UPF3B: variants seen among roughly 807,000 people sequenced by gnomAD.
UPF3B encodes regulator of nonsense transcripts 3B.
A neutral mutation model predicts 40.3 loss-of-function variants in UPF3B; 7 were observed. The ratio of observed to expected loss-of-function variants is 0.17; its 90% CI spans 0.10 to 0.33. UPF3B has a LOEUF of 0.33. Ranked by LOEUF, UPF3B falls within the 10% of genes least tolerant of loss-of-function variation. The probability of loss-of-function intolerance (pLI) is 1.00; values close to 1 mark genes in which losing one functional copy is unlikely to be tolerated. For missense variants in UPF3B, 229 were observed against 358.9 expected (o/e 0.64, Z 2.93); for synonymous variants, 117 against 117.3 (o/e 1.00, Z 0.01).
intron 5 of UPF3B, among the ~76,000 whole-genome samples, chrX:119,811,204 A>AT (rs1272852115): frequency 4.6e-5 from 5 of 108,690 alleles, no homozygotes; most frequent in East Asian, 2.9e-4. Context: ...ACACACAGCA[A>AT]TTTTTTTTTC....
At chrX:119,828,156 C>T (rs186840417) in intron 3 of UPF3B, among the ~76,000 whole-genome samples, 43 of 110,943 alleles carry the variant, frequency 3.9e-4, no homozygotes, top group Middle Eastern at 4.6e-3. Context: ...CAGGTTCAAG[C>T]GGTTCTCCTG....
At chrX:119,836,809 C>A (rs1196715363) in intron 10 of UPF3B, among the ~76,000 whole-genome samples, 1 of 106,586 alleles carries the variant, frequency 9.4e-6, no homozygotes, top group Admixed American at 1.0e-4. Flanking sequence ...CGCCACCACG[C>A]CTGGCTAATT....
chrX:119,846,798 C>G (rs1603371823), intron 3 of UPF3B, among the ~76,000 whole-genome samples: 2 of 111,395 alleles, frequency 1.8e-5, no homozygotes, highest in Admixed American at 1.9e-4. Flanking sequence ...AAATTAGAAA[C>G]TTCTATGCAT....
chrX:119,820,029 G>C (rs1400914722), intron 4 of UPF3B, among the ~76,000 whole-genome samples: 1 of 111,140 alleles, frequency 9.0e-6, no homozygotes, highest in African/African-American at 3.3e-5. Flanking sequence ...ATTTTTAGTA[G>C]AGACTGGGTT....
chrX:119,812,073 G>A lies in UPF3B; in HGVS notation c.602+3127C>T, dbSNP rs772884782. ...ATTGGAGACCAGCCTGGCCAACATGGTGAAACCCTGTCTCTACAAAAAATA... is the reference window on the plus strand; with the variant it reads ...ATTGGAGACCAGCCTGGCCAACATGATGAAACCCTGTCTCTACAAAAAATA... On this transcript the variant is annotated intron_variant, in intron 5 of 6. Transcript: ENST00000636792. Among the ~76,000 whole-genome samples, 10 of 111,566 alleles carry A rather than the reference G, an allele frequency of 9.0e-5. No individual in the cohort carries two copies. The East Asian group carries it at 2.3e-3, about 25-fold the overall frequency.
intron 5 of UPF3B, among the ~76,000 whole-genome samples, chrX:119,811,021 T>G (rs2055823909): frequency 9.1e-6 from 1 of 109,817 alleles, no homozygotes; most frequent in South Asian, 3.8e-4. Context: ...TTTTTTATCT[T>G]TTACGTCTAT....
At chrX:119,838,761 T>C (rs2056130520) in intron 8 of UPF3B, among the ~76,000 whole-genome samples, 1 of 111,213 alleles carries the variant, frequency 9.0e-6, no homozygotes, top group Non-Finnish European at 1.9e-5. Context: ...TTTGTGGCAA[T>C]AGGATCAAGA....
intron 4 of UPF3B, 31 bp from the exon 5 acceptor site, chrX:119,843,332 TA>T: frequency 1.1e-6 from 1 of 936,597 alleles, no homozygotes; most frequent in South Asian, 2.0e-5. Context: ...ACAGAAAATA[TA>T]ATAGACTTTA....
chrX:119,846,090 T>C (rs930511753), intron 3 of UPF3B, among the ~76,000 whole-genome samples: 29 of 110,732 alleles, frequency 2.6e-4, no homozygotes, highest in African/African-American at 9.2e-4. Context: ...TCCCAGCATT[T>C]TGGGAGGCCG....
At chrX:119,815,193 A>G in intron 5 of UPF3B, 2 of 782,964 alleles carry the variant, frequency 2.6e-6, no homozygotes, top group Non-Finnish European at 3.1e-6. Context: ...TGGCTAATAC[A>G]ACTTTCCTGC....
At position 119,834,452 on chromosome X, in the gene UPF3B, A is replaced by G. The variant is rs765516836; in HGVS notation, c.*426T>C. On this transcript the variant is annotated 3_prime_UTR_variant, in exon 11 of 11. Coordinates refer to ENST00000276201, the MANE Select transcript of UPF3B (RefSeq NM_080632.3). ...TGTCAACACTTATCATCAACAATAC[A>G]ATAGAATTAGATCGGAACAAGGCTT... is the stretch of plus-strand genomic sequence containing the variant. The G allele has an allele frequency of 2.4e-6, 2 of 835,066 alleles. No individual in the cohort carries two copies. Among genetic ancestry groups the G allele is most frequent in the East Asian group, 1.9e-4 (2 of 10,614 alleles). 68.8% of individuals were successfully genotyped at this position (835,066 alleles called of 1,213,427 possible). A position where few individuals can be genotyped will look rare whatever the true frequency, so the allele number is the denominator to read the frequency against.
At chrX:119,807,045 A>G (rs938297697) in intron 6 of UPF3B, among the ~76,000 whole-genome samples, 29 of 97,168 alleles carry the variant, frequency 3.0e-4, no homozygotes, top group African/African-American at 4.9e-4. Context: ...AAAAAAAAAA[A>G]AAAAAAGAAA....
chrX:119,850,061 G>T (rs929656939), intron 3 of UPF3B, among the ~76,000 whole-genome samples: 18 of 90,324 alleles, frequency 2.0e-4, no homozygotes, highest in African/African-American at 6.2e-4. Context: ...AGGCTGAGGT[G>T]GGGGGGGGGA....
rs770359758 is a variant in UPF3B at position 119,834,978 on chromosome X, C to T, written c.1352G>A (p.Arg451Gln). 1.4e-5 allele frequency: 17 copies of T among 1,210,404 alleles called. No individual in the cohort carries two copies. The highest frequency in any genetic ancestry group is 4.4e-5 in the Admixed American group (2 of 45,674). Residue 451 changes from arginine to glutamine, a missense_variant, in exon 11 of 11, where the codon CGA becomes CAA. Physicochemically the swap from Arg to Gln is conservative, Grantham distance 43. This residue lies in a region of UPF3B where 119 missense variants were observed against 153.8 expected (regional missense o/e 0.77). Coordinates refer to ENST00000276201, the MANE Select transcript of UPF3B (RefSeq NM_080632.3). The part of the protein sequence containing the change: ...LYQPGARSRN[R>Q]LCPPDDSTKS... ...GGTGCTGTCATCAGGGGGACAGAGT[C>T]GATTTCGGCTTCGAGCTCCTGGTTG...
At chrX:119,841,028 A>G (rs1389298177) in intron 7 of UPF3B, 48 bp downstream of exon 7, 1 of 1,183,405 alleles carries the variant, frequency 8.5e-7, no homozygotes, top group South Asian at 1.8e-5. Flanking sequence ...AAAGAAGTAG[A>G]TACGTGCAAT....
intron 5 of UPF3B, among the ~76,000 whole-genome samples, chrX:119,842,661 A>AAAAC (rs745581382): frequency 9.1e-6 from 1 of 109,678 alleles, no homozygotes; most frequent in Admixed American, 1.0e-4. Context: ...GCAAGCAAAA[A>AAAAC]AAACAAACAA....
chrX:119,850,365 A>G (rs2056288208), intron 3 of UPF3B, among the ~76,000 whole-genome samples: 1 of 111,836 alleles, frequency 8.9e-6, no homozygotes, highest in Non-Finnish European at 1.9e-5. Context: ...AAAATTAAAC[A>G]CAACTCAGAT....
chrX:119,842,783 T>G (rs1231968525), intron 5 of UPF3B, among the ~76,000 whole-genome samples: 1 of 111,805 alleles, frequency 8.9e-6, no homozygotes, highest in Non-Finnish European at 1.9e-5. Flanking sequence ...AGCCTATTAC[T>G]GAGAACCAAG....
At chrX:119,810,337 A>G (rs961578769) in intron 5 of UPF3B, among the ~76,000 whole-genome samples, 1 of 112,280 alleles carries the variant, frequency 8.9e-6, no homozygotes, top group Non-Finnish European at 1.9e-5. Flanking sequence ...AAAAACCGCA[A>G]TTACTTTTGC....
Sources: allele counts gnomAD v4.1 joint callset (sites outside exome capture counted in the v4.1 genomes callset), GRCh38; gene constraint gnomAD v4.1.1; regional missense constraint gnomAD v4.1.1; transcripts MANE v1.5; gene names NCBI Gene and HGNC (gene_info 2026-07-23, HGNC 2026-07-21).